Variants in SAMSN1 observed in about 807,000 individuals in gnomAD.
The protein encoded by SAMSN1 is SAM domain, SH3 domain and nuclear localization signals 1, also known as SAM domain-containing protein SAMSN-1.
A neutral mutation model predicts 42.0 loss-of-function variants in SAMSN1; 31 were observed. That is an observed-to-expected ratio of 0.74 (90% CI 0.55 to 1.00). The LOEUF (loss-of-function observed/expected upper bound fraction) is 1.00. SAMSN1 is among the 50% of genes least tolerant of loss of function. The pLI, the probability that SAMSN1 is intolerant of heterozygous loss-of-function variation, is 0.00. For missense variants in SAMSN1, 464 were observed against 439.4 expected (o/e 1.06, Z -0.50); for synonymous variants, 178 against 151.9 (o/e 1.17, Z -1.26).
At chr21:14,643,217 A>G in intron 1 of SAMSN1, 1 of 657,058 alleles carries the variant, frequency 1.5e-6, no homozygotes, top group East Asian at 2.7e-5. Context: ...ACCCACCTTT[A>G]TATAGTACTT....
upstream of SAMSN1, among the ~76,000 whole-genome samples, chr21:14,586,363 A>G (rs1046138981): frequency 4.6e-5 from 7 of 151,984 alleles, no homozygotes; most frequent in African/African-American, 4.8e-5. Flanking sequence ...TTACCTACAT[A>G]TTTGTACTGA....
At chr21:14,595,660 G>A (rs1276921318) in intron 6 of SAMSN1, among the ~76,000 whole-genome samples, 4 of 152,116 alleles carry the variant, frequency 2.6e-5, no homozygotes. Flanking sequence ...GGAAATTGAA[G>A]CACAGAGAGT....
intron 7 of SAMSN1, among the ~76,000 whole-genome samples, chr21:14,590,561 G>C (rs1420337614): frequency 6.6e-6 from 1 of 151,148 alleles, no homozygotes; most frequent in Non-Finnish European, 1.5e-5. Context: ...GGAATTACAG[G>C]CGTGAGCCAT....
chr21:14,581,123 G>T (rs1190602477), intron 2 of SAMSN1, among the ~76,000 whole-genome samples: 1 of 151,880 alleles, frequency 6.6e-6, no homozygotes, highest in Non-Finnish European at 1.5e-5. Context: ...TTTGACTCCA[G>T]AGAGCATACT....
At chr21:14,574,030 T>G (rs190877541) in intron 2 of SAMSN1, among the ~76,000 whole-genome samples, 2 of 152,216 alleles carry the variant, frequency 1.3e-5, no homozygotes, top group Admixed American at 1.3e-4. Flanking sequence ...GCTCATTATA[T>G]GTTCTAATGA....
chr21:14,639,577 A>G (rs1373864585), intron 2 of SAMSN1, among the ~76,000 whole-genome samples: 1 of 152,144 alleles, frequency 6.6e-6, no homozygotes, highest in Non-Finnish European at 1.5e-5. Context: ...TAAATTTCCA[A>G]CACATGAACT....
intron 1 of SAMSN1, chr21:14,523,351 C>T (rs1332127933): frequency 2.0e-5 from 3 of 152,292 alleles, no homozygotes; most frequent in Non-Finnish European, 4.4e-5. Context: ...ACACAATTAA[C>T]GCCTTTTGCT....
chr21:14,531,333 A>G (rs367930708), intron 1 of SAMSN1, among the ~76,000 whole-genome samples: 2 of 152,122 alleles, frequency 1.3e-5, no homozygotes, highest in African/African-American at 4.8e-5. Flanking sequence ...TCATTAATCT[A>G]AAAGACAAAC....
chr21:14,626,951 A>G (rs1983194035), intron 2 of SAMSN1, among the ~76,000 whole-genome samples: 1 of 152,352 alleles, frequency 6.6e-6, no homozygotes, highest in Middle Eastern at 3.4e-3. Context: ...GCAGCCATAA[A>G]AAATGATGAG....
At chr21:14,535,775 C>T (rs1436188427) in intron 1 of SAMSN1, among the ~76,000 whole-genome samples, 1 of 152,064 alleles carries the variant, frequency 6.6e-6, no homozygotes, top group Admixed American at 6.5e-5. Context: ...AAAGAAAGGC[C>T]CAGAACAGAT....
chr21:14,525,986 C>T lies in SAMSN1; in HGVS notation c.58-4765G>A, dbSNP rs57612205. Among the ~76,000 whole-genome samples the T allele has an allele frequency of 1.1e-4, 16 of 152,162 alleles. No individual in the cohort carries two copies. In the South Asian group the frequency reaches 2.1e-3, roughly 20 times the overall value. On this transcript the variant is annotated intron_variant, in intron 1 of 7. Transcript: ENST00000400566. ...TTGAAGCGATTCTCCTGCCTCAGCC[C>T]CCCCGAGTAGCTGGGATTACAGGCT...
chr21:14,590,722 A>G (rs1225921779), intron 7 of SAMSN1, among the ~76,000 whole-genome samples: 1 of 152,212 alleles, frequency 6.6e-6, no homozygotes, highest in Admixed American at 6.5e-5. Flanking sequence ...GTGCTTAGAG[A>G]CAGGAAGAAG....
At chr21:14,618,321 G>A (rs1347112288) in intron 2 of SAMSN1, among the ~76,000 whole-genome samples, 2 of 152,176 alleles carry the variant, frequency 1.3e-5, no homozygotes, top group Non-Finnish European at 2.9e-5. Context: ...CAAGGGTAGG[G>A]AGAGTCAGGC....
chr21:14,578,094 A>G (rs1438975778), intron 2 of SAMSN1, among the ~76,000 whole-genome samples: 1 of 152,194 alleles, frequency 6.6e-6, no homozygotes, highest in Non-Finnish European at 1.5e-5. Flanking sequence ...TGCAATAAAT[A>G]TTACTTACTA....
chr21:14,590,351 T>C lies in SAMSN1; in HGVS notation c.465+3662A>G, dbSNP rs575284786. Among the ~76,000 whole-genome samples the C allele has an allele frequency of 2.2e-4, 33 of 152,132 alleles. 1 individual carries two copies. In the South Asian group the frequency reaches 6.4e-3, roughly 30 times the overall value. On this transcript the variant is annotated intron_variant, in intron 7 of 15. Coordinates refer to the SAMSN1 transcript ENST00000647101. Reference sequence around the variant, plus strand: ...GGCGTGCATTTGCATGATAAGAACTTACTGTAGCTTTGAACTCCTGAGCTC... The same window carrying C: ...GGCGTGCATTTGCATGATAAGAACTCACTGTAGCTTTGAACTCCTGAGCTC...
intron 2 of SAMSN1, chr21:14,616,039 T>A (rs1313429834): frequency 1.0e-5 from 6 of 576,998 alleles, no homozygotes; most frequent in African/African-American, 1.9e-5. Context: ...ATAAAATGAA[T>A]AAAATAAAAT....
upstream of SAMSN1, chr21:14,658,898 A>G: frequency 1.5e-6 from 1 of 657,776 alleles, no homozygotes; most frequent in South Asian, 1.7e-5. Flanking sequence ...AATCCCTGCC[A>G]TAATCCAGGG....
intron 2 of SAMSN1, among the ~76,000 whole-genome samples, chr21:14,632,533 A>AATTGTAATACAAATAAT (rs1198989964): frequency 2.0e-5 from 3 of 152,216 alleles, no homozygotes; most frequent in East Asian, 1.9e-4. Flanking sequence ...TTATTTGTAT[A>AATTGTAATACAAATAAT]ATTGTAATAC....
intron 7 of SAMSN1, among the ~76,000 whole-genome samples, chr21:14,497,896 T>G (rs932347486): frequency 6.6e-6 from 1 of 152,240 alleles, no homozygotes; most frequent in Non-Finnish European, 1.5e-5. Context: ...CATCTTCAGT[T>G]AATACTTACA....
Sources: allele counts gnomAD v4.1 joint callset (sites outside exome capture counted in the v4.1 genomes callset), GRCh38; gene constraint gnomAD v4.1.1; transcripts MANE v1.5; gene names NCBI Gene and HGNC (gene_info 2026-07-23, HGNC 2026-07-21).